The following GRB10 variants were observed in gnomAD, a reference collection of about 807,000 sequenced individuals.
GRB10 encodes the protein growth factor receptor-bound protein 10.
A neutral mutation model predicts 80.9 loss-of-function variants in GRB10; 20 were observed. The observed-to-expected ratio is 0.25, with a 90% CI of 0.17 to 0.36. GRB10 has a LOEUF of 0.36. Among genes scored for constraint, GRB10 ranks in the 10% least tolerant of loss-of-function variants. The probability of loss-of-function intolerance (pLI) is 1.00; values close to 1 mark genes in which losing one functional copy is unlikely to be tolerated. For synonymous variants in GRB10, 291 were observed against 291.5 expected (o/e 1.00, Z 0.02); for missense variants, 548 against 747.7 (o/e 0.73, Z 3.12).
At chr7:50,722,617 C>T (rs1399677270) in intron 4 of GRB10, among the ~76,000 whole-genome samples, 5 of 151,960 alleles carry the variant, frequency 3.3e-5, no homozygotes, top group African/African-American at 9.7e-5. Context: ...ACCAGTGATG[C>T]GAGCCAGGGT....
chr7:50,785,894 T>C (rs2078674730), upstream of GRB10, among the ~76,000 whole-genome samples: 1 of 152,148 alleles, frequency 6.6e-6, no homozygotes, highest in Non-Finnish European at 1.5e-5. Context: ...ATAAGAATAT[T>C]ATGCCATTAA....
chr7:50,671,109 C>T (rs1252388103), intron 6 of GRB10, among the ~76,000 whole-genome samples: 1 of 152,188 alleles, frequency 6.6e-6, no homozygotes, highest in Non-Finnish European at 1.5e-5. Context: ...ACTTCTGGCC[C>T]ACACCTCCAG....
intron 7 of GRB10, among the ~76,000 whole-genome samples, chr7:50,655,374 T>C (rs2058543886): frequency 6.6e-6 from 1 of 152,092 alleles, no homozygotes. Flanking sequence ...TCTTTAAGCA[T>C]CTCCCAGGCA....
At chr7:50,595,561 A>G (rs767205353) in intron 17 of GRB10, 31 bp from the exon 18 acceptor site, 11 of 1,193,536 alleles carry the variant, frequency 9.2e-6, no homozygotes, top group Non-Finnish European at 1.4e-5. Flanking sequence ...GATTGCTAAA[A>G]TATTTTAAAA....
chr7:50,739,185 T>C (rs1267984293), intron 3 of GRB10, among the ~76,000 whole-genome samples: 1 of 152,214 alleles, frequency 6.6e-6, no homozygotes, highest in Non-Finnish European at 1.5e-5. Context: ...TGGGTTGTTT[T>C]TTGTTTTTCC....
chr7:50,694,170 A>G (rs1009669779), intron 5 of GRB10, among the ~76,000 whole-genome samples: 4 of 152,180 alleles, frequency 2.6e-5, no homozygotes, highest in Admixed American at 2.6e-4. Context: ...CCCAAAATAC[A>G]AAAATTAGCC....
At chr7:50,715,950 G>A (rs11763778) in intron 4 of GRB10, among the ~76,000 whole-genome samples, 92,529 of 152,062 alleles carry the variant, frequency 0.61, 31,304 homozygotes, top group Middle Eastern at 0.86. Context: ...AAGCTGCAGC[G>A]CAGGGAGGGG....
chr7:50,721,885 G>A lies in GRB10; in HGVS notation c.51+10387C>T, dbSNP rs2067807879. Among the ~76,000 whole-genome samples, 4 of 152,360 alleles carry A rather than the reference G, an allele frequency of 2.6e-5. No homozygotes were observed. The South Asian group carries it at 6.2e-4, about 24-fold the overall frequency. On this transcript the variant is annotated intron_variant, in intron 4 of 18. Transcript: ENST00000401949. Reference sequence around the variant, plus strand: ...GTGTGGCAGGGACTGCTGTGGGAAGGGAAGGTGTCTGGGCTGAAGTCCAGG... The same window carrying A: ...GTGTGGCAGGGACTGCTGTGGGAAGAGAAGGTGTCTGGGCTGAAGTCCAGG...
intron 17 of GRB10, among the ~76,000 whole-genome samples, chr7:50,600,314 T>A (rs1271501038): frequency 6.6e-6 from 1 of 152,148 alleles, no homozygotes; most frequent in African/African-American, 2.4e-5. Flanking sequence ...AACATACTGT[T>A]TTACAGTTAG....
intron 8 of GRB10, among the ~76,000 whole-genome samples, chr7:50,624,891 A>C (rs770772745): frequency 1.2e-4 from 18 of 151,212 alleles, no homozygotes; most frequent in Admixed American, 5.9e-4. Flanking sequence ...TAATCATTTC[A>C]CTTGTTTCCC....
intron 3 of GRB10, among the ~76,000 whole-genome samples, chr7:50,752,703 G>T (rs1052300879): frequency 2.0e-5 from 3 of 152,192 alleles, no homozygotes; most frequent in African/African-American, 7.2e-5. Context: ...TCGCAGCTGG[G>T]CCGGTCTCCA....
chr7:50,659,232 C>T (rs1349226219), intron 7 of GRB10, among the ~76,000 whole-genome samples: 2 of 152,162 alleles, frequency 1.3e-5, no homozygotes, highest in African/African-American at 4.8e-5. Flanking sequence ...ATAGACGATG[C>T]CAAATTTCCC....
intron 7 of GRB10, among the ~76,000 whole-genome samples, chr7:50,635,964 T>TTTC (rs2054929104): frequency 5.5e-5 from 1 of 18,088 alleles, no homozygotes; most frequent in Non-Finnish European, 1.0e-4. Flanking sequence ...TTCCTTTCCT[T>TTTC]TTTTTTTTTT....
Position 50,704,019 on chromosome 7 carries a change from T to C in GRB10, c.52-111A>G, listed in dbSNP as rs1048649007. On this transcript the variant is annotated intron_variant, in intron 4 of 18. Transcript: ENST00000401949. ...CTTTCTTCCTCAATTCCTTACTTCCTTTCCACTTACTTACTTTTTCCATTT... is the reference window on the plus strand; with the variant it reads ...CTTTCTTCCTCAATTCCTTACTTCCCTTCCACTTACTTACTTTTTCCATTT... 8 of 721,402 alleles carry C rather than the reference T, an allele frequency of 1.1e-5. No individual in the cohort carries two copies. The East Asian group carries it at 1.5e-4, about 13-fold the overall frequency. The allele number at this position is 721,402 out of a possible 1,614,324, so 44.7% of individuals were successfully genotyped here.
intron 2 of GRB10, among the ~76,000 whole-genome samples, chr7:50,774,115 A>T (rs2077325133): frequency 6.6e-6 from 1 of 152,266 alleles, no homozygotes; most frequent in African/African-American, 2.4e-5. Context: ...CAAAAACCAC[A>T]GACGATTCTA....
chr7:50,779,594 G>A (rs1157794742), intron 2 of GRB10: 4 of 152,114 alleles, frequency 2.6e-5, no homozygotes, highest in Non-Finnish European at 5.9e-5. Flanking sequence ...TCAAACACCT[G>A]TTGAGTGAAT....
intron 2 of GRB10, among the ~76,000 whole-genome samples, chr7:50,766,028 C>A (rs981227044): frequency 6.6e-6 from 1 of 152,156 alleles, no homozygotes; most frequent in Non-Finnish European, 1.5e-5. Flanking sequence ...TGAACACCAA[C>A]CTCAAAGGAG....
intron 5 of GRB10, among the ~76,000 whole-genome samples, chr7:50,675,464 G>T (rs1394547854): frequency 6.6e-6 from 1 of 152,264 alleles, no homozygotes; most frequent in Non-Finnish European, 1.5e-5. Flanking sequence ...ACTAGATGCT[G>T]TGAAAGTATT....
intron 3 of GRB10, among the ~76,000 whole-genome samples, chr7:50,733,697 C>T (rs1248011379): frequency 6.6e-6 from 1 of 152,354 alleles, no homozygotes; most frequent in African/African-American, 2.4e-5. Flanking sequence ...AAGGCCTCAG[C>T]CTTCTCCGGC....
Sources: allele counts gnomAD v4.1 joint callset (sites outside exome capture counted in the v4.1 genomes callset), GRCh38; gene constraint gnomAD v4.1.1; transcripts MANE v1.5; gene names NCBI Gene and HGNC (gene_info 2026-07-23, HGNC 2026-07-21).